DLG1: variants seen among roughly 807,000 people sequenced by gnomAD.
The protein encoded by DLG1 is discs large MAGUK scaffold protein 1.
In DLG1, 42 loss-of-function variants were observed where a neutral mutation model predicts 123.4. The observed-to-expected ratio is 0.34, with a 90% CI of 0.27 to 0.44. The LOEUF is 0.44. Ranked by LOEUF, DLG1 falls within the 20% of genes least tolerant of loss-of-function variation. DLG1 has a pLI of 1.00. For missense variants in DLG1, 942 were observed against 1,082.6 expected (o/e 0.87, Z 1.82); for synonymous variants, 317 against 356.2 (o/e 0.89, Z 1.24).
chr3:197,280,058 C>A (rs999122676), intron 4 of DLG1, among the ~76,000 whole-genome samples: 1 of 152,124 alleles, frequency 6.6e-6, no homozygotes, highest in African/African-American at 2.4e-5. Context: ...GGTAGTCACC[C>A]TACTGTGCTA....
intron 11 of DLG1, among the ~76,000 whole-genome samples, chr3:197,125,154 T>C (rs1778387574): frequency 6.6e-6 from 1 of 152,162 alleles, no homozygotes; most frequent in African/African-American, 2.4e-5. Flanking sequence ...GGTGCTTATA[T>C]GAAATATGAA....
intron 4 of DLG1, among the ~76,000 whole-genome samples, chr3:197,229,913 G>C (rs1174539507): frequency 6.6e-6 from 1 of 152,206 alleles, no homozygotes; most frequent in Non-Finnish European, 1.5e-5. Flanking sequence ...TGATAAATGA[G>C]AGAAACTCAA....
intron 4 of DLG1, among the ~76,000 whole-genome samples, chr3:197,253,364 G>A (rs1026743417): frequency 7.9e-5 from 12 of 152,208 alleles, no homozygotes; most frequent in Non-Finnish European, 1.5e-4. Context: ...GCTACACATC[G>A]ATGACAATGA....
chr3:197,129,591 C>T (rs1301371937), intron 11 of DLG1, among the ~76,000 whole-genome samples: 1 of 152,222 alleles, frequency 6.6e-6, no homozygotes, highest in Non-Finnish European at 1.5e-5. Flanking sequence ...GCATTCACAA[C>T]TTGGCTAACT....
intron 6 of DLG1, among the ~76,000 whole-genome samples, chr3:197,144,815 T>C (rs1365212552): frequency 1.3e-5 from 2 of 152,152 alleles, no homozygotes; most frequent in Non-Finnish European, 2.9e-5. Context: ...TTATATGTTA[T>C]AAAGGCATTT....
chr3:197,099,317 A>C (rs1406518328), intron 14 of DLG1, among the ~76,000 whole-genome samples: 2 of 152,174 alleles, frequency 1.3e-5, no homozygotes, highest in East Asian at 3.8e-4. Context: ...CTCTTGTCTC[A>C]GCCTCCCGAA....
intron 5 of DLG1, among the ~76,000 whole-genome samples, chr3:197,159,571 AATAC>A (rs2149868689): frequency 6.6e-6 from 1 of 152,340 alleles, no homozygotes; most frequent in African/African-American, 2.4e-5. Flanking sequence ...ATCTTTTAAG[AATAC>A]ATATTCACTT....
chr3:197,240,429 A>G (rs1455806278), intron 4 of DLG1, among the ~76,000 whole-genome samples: 1 of 152,178 alleles, frequency 6.6e-6, no homozygotes, highest in Non-Finnish European at 1.5e-5. Context: ...AAGCAAATAC[A>G]TCCAGTAAAA....
At chr3:197,096,391 T>C (rs527757629) in intron 14 of DLG1, among the ~76,000 whole-genome samples, 1 of 152,326 alleles carries the variant, frequency 6.6e-6, no homozygotes, top group Non-Finnish European at 1.5e-5. Flanking sequence ...CATTCCCATA[T>C]GTGCTTTCCT....
In DLG1 at chr3:197,140,193, A is replaced by G. The variant is rs2149649597; in HGVS notation, c.660T>C (p.Ile220=). 1.9e-6 allele frequency: 3 copies of G among 1,613,490 alleles called. No homozygotes were observed. Among genetic ancestry groups the G allele is most frequent in the Admixed American group, 1.7e-5 (1 of 59,982 alleles). The change falls in exon 8 of 25, where the codon ATT becomes ATC. Residue 220 remains isoleucine (I), a synonymous_variant. Transcript: ENST00000667157. ...DNPHIGDDSS[I]FITKIITGGA... ...CCCCTGTGATAATTTTGGTAATGAA[A>G]ATACTTGAGTCATCTCCAATGTGTG...
chr3:197,061,690 G>A lies in DLG1; in HGVS notation c.2374-1692C>T, dbSNP rs781560863. Among the ~76,000 whole-genome samples, 5 of 151,976 alleles carry A rather than the reference G, an allele frequency of 3.3e-5. No individual in the cohort carries two copies. The South Asian group carries it at 1.0e-3, about 32-fold the overall frequency. On this transcript the variant is annotated intron_variant, in intron 22 of 24. Transcript: ENST00000667157. The stretch of plus-strand genomic sequence containing the variant: ...TGGGTTTGTGTGTTTACTCACTCTC[G>A]GATGGCAGGTTACACATTTTTGGCA...
chr3:197,294,185 T>C (rs890943257), intron 3 of DLG1, among the ~76,000 whole-genome samples: 6 of 152,158 alleles, frequency 3.9e-5, no homozygotes, highest in South Asian at 2.1e-4. Flanking sequence ...AGAACCTCTA[T>C]TAAACGTTAT....
chr3:197,265,559 A>G (rs975931142), intron 4 of DLG1, among the ~76,000 whole-genome samples: 2 of 152,228 alleles, frequency 1.3e-5, no homozygotes, highest in Non-Finnish European at 2.9e-5. Context: ...AGAGATCTGC[A>G]GAGTTCCCCT....
In DLG1 at chr3:197,059,633, C is replaced by CCACTAGTCACTATTTA. The variant is rs71623333; in HGVS notation, c.2483+255_2483+256insTAAATAGTGACTAGTG. On this transcript the variant is annotated intron_variant, in intron 23 of 24. Transcript: ENST00000667157. ...AGAGCTGTGCTGCGTACTTCAGTAGCCACTAGTCACACGTGGGGCTATTTA... is the reference window on the plus strand; with the variant it reads ...AGAGCTGTGCTGCGTACTTCAGTAGCCACTAGTCACTATTTACACTAGTCACACGTGGGGCTATTTA... Among the ~76,000 whole-genome samples the CCACTAGTCACTATTTA allele has an allele frequency of 2.5e-4, 38 of 151,924 alleles. No individual in the cohort carries two copies. In the South Asian group the frequency reaches 4.6e-3, roughly 18 times the overall value.
intron 24 of DLG1, among the ~76,000 whole-genome samples, chr3:197,051,105 G>C (rs1347622741): frequency 1.3e-5 from 2 of 152,202 alleles, no homozygotes; most frequent in Non-Finnish European, 2.9e-5. Context: ...TGGGCAGGGT[G>C]GCTCACCGCT....
intron 4 of DLG1, among the ~76,000 whole-genome samples, chr3:197,279,737 T>A (rs1336230399): frequency 6.6e-6 from 1 of 152,226 alleles, no homozygotes; most frequent in Non-Finnish European, 1.5e-5. Context: ...GTGTTACCAA[T>A]GCCATTTTTG....
At chr3:197,191,120 T>TAGTGGCTTATTAATCAGCAAA (rs1719238868) in intron 5 of DLG1, among the ~76,000 whole-genome samples, 1 of 152,174 alleles carries the variant, frequency 6.6e-6, no homozygotes, top group African/African-American at 2.4e-5. Context: ...CTGATGAAGG[T>TAGTGGCTTATTAATCAGCAAA]AGTGGCTTAT....
intron 1 of DLG1, chr3:197,298,012 G>C (rs1362280362): frequency 2.4e-6 from 2 of 826,610 alleles, no homozygotes; most frequent in African/African-American, 1.8e-5. Flanking sequence ...CTCCTCGCTC[G>C]CCGCGGCCCC....
chr3:197,109,916 T>C (rs1426218012), intron 13 of DLG1, among the ~76,000 whole-genome samples: 1 of 152,228 alleles, frequency 6.6e-6, no homozygotes, highest in African/African-American at 2.4e-5. Flanking sequence ...TTTTTGCTAC[T>C]TTCAATATTC....
Sources: gnomAD v4.1 joint callset for allele counts (sites outside exome capture counted in the v4.1 genomes callset) on GRCh38, gnomAD v4.1.1 for gene constraint, MANE v1.5 for transcripts, NCBI Gene and HGNC (gene_info 2026-07-23, HGNC 2026-07-21) for gene names.